The following CNTN5 variants were observed in gnomAD, a reference collection of about 807,000 sequenced individuals.
CNTN5 encodes the protein contactin 5.
In CNTN5, 77 loss-of-function variants were observed where a neutral mutation model predicts 129.1. The observed-to-expected ratio is 0.60, with a 90% CI of 0.50 to 0.72. CNTN5 has a LOEUF of 0.72. Among genes scored for constraint, CNTN5 ranks in the 30% least tolerant of loss-of-function variants. The probability of loss-of-function intolerance (pLI) is 0.00; values close to 1 mark genes in which losing one functional copy is unlikely to be tolerated. For missense variants in CNTN5, 1,478 were observed against 1,328.8 expected (o/e 1.11, Z -1.75); for synonymous variants, 509 against 465.6 (o/e 1.09, Z -1.20).
At chr11:99,381,947 C>T (rs931602633) in intron 2 of CNTN5, among the ~76,000 whole-genome samples, 10 of 151,364 alleles carry the variant, frequency 6.6e-5, no homozygotes, top group South Asian at 4.2e-4. Flanking sequence ...TGATGCTCCT[C>T]GAGGGCTGAG....
intron 1 of CNTN5, among the ~76,000 whole-genome samples, chr11:99,286,087 C>A (rs944714417): frequency 6.7e-6 from 1 of 148,864 alleles, no homozygotes; most frequent in Admixed American, 6.7e-5. Context: ...ACAGAGTCTT[C>A]ATATTTTTCC....
intron 3 of CNTN5, among the ~76,000 whole-genome samples, chr11:99,812,249 T>C (rs1317531797): frequency 6.6e-6 from 1 of 152,142 alleles, no homozygotes; most frequent in African/African-American, 2.4e-5. Context: ...GAATTTGTTT[T>C]TGGGAATACA....
At chr11:99,716,658 C>T (rs949413642) in intron 3 of CNTN5, among the ~76,000 whole-genome samples, 1 of 152,080 alleles carries the variant, frequency 6.6e-6, no homozygotes, top group East Asian at 1.9e-4. Context: ...CTCTTACCCT[C>T]AGCATCCACA....
chr11:100,054,453 A>T (rs1943116286), intron 9 of CNTN5, among the ~76,000 whole-genome samples: 1 of 151,864 alleles, frequency 6.6e-6, no homozygotes, highest in Admixed American at 6.6e-5. Flanking sequence ...TAATAATTCG[A>T]TGAATGTAGC....
intron 3 of CNTN5, among the ~76,000 whole-genome samples, chr11:99,746,047 G>T (rs1044915632): frequency 6.6e-6 from 1 of 152,136 alleles, no homozygotes; most frequent in Non-Finnish European, 1.5e-5. Flanking sequence ...GCTCTTTTAA[G>T]ATCAGATGTG....
chr11:99,255,708 T>A (rs1444395037), intron 1 of CNTN5, among the ~76,000 whole-genome samples: 1 of 151,368 alleles, frequency 6.6e-6, no homozygotes, highest in Non-Finnish European at 1.5e-5. Context: ...GAATTGTGCA[T>A]TTTTTACAAA....
intron 1 of CNTN5, among the ~76,000 whole-genome samples, chr11:99,105,286 T>TA (rs5793971): frequency 0.031 from 4,691 of 152,138 alleles, 90 homozygotes; most frequent in East Asian, 0.067. Flanking sequence ...ACCAAAAGCA[T>TA]AAAAAAATTA....
chr11:100,053,001 G>T (rs1467490650), intron 9 of CNTN5, among the ~76,000 whole-genome samples: 1 of 151,608 alleles, frequency 6.6e-6, no homozygotes, highest in Non-Finnish European at 1.5e-5. Context: ...GGATATCACT[G>T]TTAAATAAGT....
chr11:99,919,220 C>A (rs1385021528), intron 7 of CNTN5, among the ~76,000 whole-genome samples: 1 of 150,234 alleles, frequency 6.7e-6, no homozygotes, highest in East Asian at 2.0e-4. Context: ...ATAGCATATG[C>A]ATTTGTTGCA....
intron 3 of CNTN5, among the ~76,000 whole-genome samples, chr11:99,690,528 G>T (rs1953998220): frequency 1.3e-5 from 2 of 152,070 alleles, no homozygotes; most frequent in Non-Finnish European, 2.9e-5. Flanking sequence ...GCAGTTTAAT[G>T]AGAATAGCAT....
At chr11:99,029,436 A>G (rs558607031) in intron 1 of CNTN5, among the ~76,000 whole-genome samples, 1 of 152,202 alleles carries the variant, frequency 6.6e-6, no homozygotes, top group South Asian at 2.1e-4. Flanking sequence ...CATTGAAAAG[A>G]TGGAAAATCG....
At chr11:100,088,490 A>G (rs760103845) in intron 13 of CNTN5, among the ~76,000 whole-genome samples, 2 of 152,016 alleles carry the variant, frequency 1.3e-5, no homozygotes, top group Non-Finnish European at 2.9e-5. Context: ...ACAGACTGCT[A>G]GCTAAATTAA....
chr11:99,832,176 C>A (rs1399488091), intron 4 of CNTN5, among the ~76,000 whole-genome samples: 5 of 151,970 alleles, frequency 3.3e-5, no homozygotes, highest in Non-Finnish European at 7.4e-5. Flanking sequence ...ACATCATTTC[C>A]ATAGTCTAAA....
chr11:99,101,134 G>A (rs1866713745), intron 1 of CNTN5, among the ~76,000 whole-genome samples: 1 of 152,214 alleles, frequency 6.6e-6, no homozygotes, highest in African/African-American at 2.4e-5. Context: ...AGTGAAAGGA[G>A]TTTCCCCTTA....
intron 1 of CNTN5, among the ~76,000 whole-genome samples, chr11:99,068,938 C>T (rs1302347996): frequency 1.3e-5 from 2 of 151,880 alleles, no homozygotes; most frequent in Non-Finnish European, 2.9e-5. Flanking sequence ...AGGAAATCTC[C>T]CTGACTCTTT....
At chr11:99,579,062 C>T (rs867999736) in intron 3 of CNTN5, among the ~76,000 whole-genome samples, 47 of 151,976 alleles carry the variant, frequency 3.1e-4, no homozygotes, top group Non-Finnish European at 4.3e-4. Flanking sequence ...TAGCCAGTTT[C>T]CCCAGCACCA....
chr11:99,965,881 CG>C (rs1341034635), intron 8 of CNTN5, among the ~76,000 whole-genome samples: 1 of 152,054 alleles, frequency 6.6e-6, no homozygotes, highest in Non-Finnish European at 1.5e-5. Context: ...TTGAAAAGTA[CG>C]TTCATAAGAA....
intron 16 of CNTN5, 100 bp downstream of exon 16, chr11:100,224,912 T>G (rs1949340377): frequency 8.8e-7 from 1 of 1,132,802 alleles, no homozygotes; most frequent in South Asian, 2.5e-5. Flanking sequence ...TACTGTGCAT[T>G]TTACTTTCAA....
chr11:100,070,355 GT>G, intron 10 of CNTN5, 68 bp from the exon 11 acceptor site: 1 of 1,471,766 alleles, frequency 6.8e-7, no homozygotes, highest in Non-Finnish European at 9.2e-7. Flanking sequence ...ATTTTTCCAT[GT>G]AAATTTTAAA....
Sources: allele counts gnomAD v4.1 joint callset (sites outside exome capture counted in the v4.1 genomes callset), GRCh38; gene constraint gnomAD v4.1.1; transcripts MANE v1.5; gene names NCBI Gene and HGNC (gene_info 2026-07-23, HGNC 2026-07-21).